The following NDUFAF6 variants were observed in gnomAD, a reference collection of about 807,000 sequenced individuals.
NDUFAF6 encodes NADH:ubiquinone oxidoreductase complex assembly factor 6.
A neutral mutation model predicts 40.8 loss-of-function variants in NDUFAF6; 45 were observed. The ratio of observed to expected loss-of-function variants is 1.10; its 90% CI spans 0.87 to 1.42. The LOEUF is 1.42. Ranked by LOEUF, NDUFAF6 falls within the 40% of genes most tolerant of loss-of-function variation. The probability of loss-of-function intolerance (pLI) is 0.00; values close to 1 mark genes in which losing one functional copy is unlikely to be tolerated. For missense variants in NDUFAF6, 435 were observed against 418.5 expected, an observed-to-expected ratio of 1.04 and a Z score of -0.34; for synonymous variants, 185 against 155.9, an observed-to-expected ratio of 1.19 and a Z score of -1.39.
chr8:95,055,497 CTATT>C (rs1832011085), intron 8 of NDUFAF6, among the ~76,000 whole-genome samples: 1 of 151,890 alleles, frequency 6.6e-6, no homozygotes, highest in Non-Finnish European at 1.5e-5. Flanking sequence ...TATATAATAT[CTATT>C]ATGTGTCTAT....
rs556754384 is a variant in NDUFAF6, at chr8:94,963,889, G to C, written c.-199+5710G>C. ...AGAAGCTCAGTGCACAAGCTCAGCA[G>C]GTCAATAAATAGCCCATTTCATTAT... On this transcript the variant is annotated intron_variant, in intron 1 of 9. Coordinates refer to the NDUFAF6 transcript ENST00000396111. 2.6e-5 allele frequency among the ~76,000 whole-genome samples: 4 copies of C among 152,304 alleles called. No individual in the cohort carries two copies. In the East Asian group the frequency reaches 7.7e-4, roughly 29 times the overall value.
intron 1 of NDUFAF6, among the ~76,000 whole-genome samples, chr8:94,970,252 T>TCAAA (rs1824354659): frequency 1.6e-5 from 1 of 60,612 alleles, no homozygotes; most frequent in Non-Finnish European, 3.2e-5. Flanking sequence ...AGACTCCGTC[T>TCAAA]CAAAAAAAAA....
At chr8:95,009,902 C>T (rs1279816971) in intron 2 of NDUFAF6, among the ~76,000 whole-genome samples, 1 of 152,120 alleles carries the variant, frequency 6.6e-6, no homozygotes, top group Admixed American at 6.5e-5. Flanking sequence ...ATTGTTGTTT[C>T]TTTTAACAGT....
At chr8:94,938,012 G>A (rs1319122335) in intron 1 of NDUFAF6, among the ~76,000 whole-genome samples, 6 of 152,178 alleles carry the variant, frequency 3.9e-5, no homozygotes, top group African/African-American at 1.2e-4. Context: ...TATAAATGAA[G>A]AGAAAGAAGA....
chr8:94,913,573 G>A (rs928522335), intron 1 of NDUFAF6, among the ~76,000 whole-genome samples: 1 of 152,204 alleles, frequency 6.6e-6, no homozygotes, highest in South Asian at 2.1e-4. Context: ...AAAGCAGTAG[G>A]ATCGCTTGAG....
chr8:95,012,345 G>A (rs1040335644), intron 2 of NDUFAF6, among the ~76,000 whole-genome samples: 1 of 151,932 alleles, frequency 6.6e-6, no homozygotes, highest in Non-Finnish European at 1.5e-5. Flanking sequence ...TTTGTCTTTT[G>A]ACTATCTATA....
chr8:95,089,570 G>A (rs2132061988), intron 2 of NDUFAF6, among the ~76,000 whole-genome samples: 1 of 152,234 alleles, frequency 6.6e-6, no homozygotes, highest in East Asian at 1.9e-4. Flanking sequence ...AGAGTGGATG[G>A]AAGCAGTAAT....
At chr8:95,063,737 G>A (rs945935271) in intron 9 of NDUFAF6, among the ~76,000 whole-genome samples, 5 of 152,086 alleles carry the variant, frequency 3.3e-5, no homozygotes, top group Non-Finnish European at 4.4e-5. Context: ...CCTACATAAT[G>A]AATTTCTCAG....
At chr8:95,106,868 C>T (rs534654564), downstream of NDUFAF6, among the ~76,000 whole-genome samples, 5 of 152,220 alleles carry the variant, frequency 3.3e-5, no homozygotes, top group African/African-American at 7.2e-5. Context: ...ATGTGGCCAA[C>T]AAACATATGA....
At chr8:95,117,520 T>C (rs954993581), downstream of NDUFAF6, among the ~76,000 whole-genome samples, 18 of 152,356 alleles carry the variant, frequency 1.2e-4, no homozygotes, top group African/African-American at 3.8e-4. Context: ...GCCTGTTATT[T>C]TGGGCATTGC....
At chr8:95,052,352 C>T in intron 8 of NDUFAF6, 122 bp downstream of exon 8, 3 of 1,043,048 alleles carry the variant, frequency 2.9e-6, no homozygotes, top group East Asian at 4.9e-5. Flanking sequence ...TGTTTCCCTC[C>T]CTCATGGCGG....
intron 1 of NDUFAF6, among the ~76,000 whole-genome samples, chr8:95,030,759 G>A (rs1006329925): frequency 6.6e-6 from 1 of 152,186 alleles, no homozygotes; most frequent in African/African-American, 2.4e-5. Flanking sequence ...TGTTATAAAG[G>A]AATATCTGAG....
chr8:94,999,396 A>G (rs946649486), intron 2 of NDUFAF6, among the ~76,000 whole-genome samples: 2 of 152,076 alleles, frequency 1.3e-5, no homozygotes, highest in Non-Finnish European at 2.9e-5. Context: ...TGCTGGGATT[A>G]CAGGCGTGAG....
intron 2 of NDUFAF6, among the ~76,000 whole-genome samples, chr8:95,016,990 G>C (rs1312499342): frequency 6.8e-6 from 1 of 146,318 alleles, no homozygotes. Context: ...CTGGAGTGCA[G>C]CAGCACAATC....
At chr8:95,022,589 A>G (rs1309864424), upstream of NDUFAF6, among the ~76,000 whole-genome samples, 1 of 98,588 alleles carries the variant, frequency 1.0e-5, no homozygotes, top group Non-Finnish European at 2.2e-5. Context: ...TTACCCCTCC[A>G]AAAAAAAAAA....
upstream of NDUFAF6, among the ~76,000 whole-genome samples, chr8:95,095,679 C>A (rs1332422969): frequency 1.5e-5 from 2 of 129,110 alleles, no homozygotes; most frequent in Non-Finnish European, 3.4e-5. Context: ...TTTTTTTTTT[C>A]TTTGAGACCA....
At chr8:95,012,913 G>A (rs560235413) in intron 2 of NDUFAF6, among the ~76,000 whole-genome samples, 1 of 152,138 alleles carries the variant, frequency 6.6e-6, no homozygotes, top group Admixed American at 6.5e-5. Context: ...ATTAAGTCAG[G>A]GAAAAGATCA....
intron 4 of NDUFAF6, among the ~76,000 whole-genome samples, chr8:95,044,082 A>G (rs554957618): frequency 3.3e-5 from 5 of 152,348 alleles, no homozygotes; most frequent in African/African-American, 9.6e-5. Context: ...TAAAGTACCA[A>G]TAGATGAAGC....
At chr8:94,979,897 C>A (rs1289384864) in intron 1 of NDUFAF6, among the ~76,000 whole-genome samples, 1 of 152,140 alleles carries the variant, frequency 6.6e-6, no homozygotes, top group Non-Finnish European at 1.5e-5. Context: ...TAGTTCAAGA[C>A]CAGCTTGGCC....
Sources: allele counts gnomAD v4.1 joint callset (sites outside exome capture counted in the v4.1 genomes callset), GRCh38; gene constraint gnomAD v4.1.1; transcripts MANE v1.5; gene names NCBI Gene and HGNC (gene_info 2026-07-23, HGNC 2026-07-21).